The following PCDHGB1 variants were observed in gnomAD, a reference collection of about 807,000 sequenced individuals.
PCDHGB1 encodes protocadherin gamma subfamily B, 1.
Under a neutral mutation model 56.6 loss-of-function variants are expected in PCDHGB1, and 34 were observed. That is an observed-to-expected ratio of 0.60 (90% CI 0.46 to 0.80). The LOEUF is 0.80. Ranked by LOEUF, PCDHGB1 falls within the 30% of genes least tolerant of loss-of-function variation. The pLI is 0.00. For synonymous variants in PCDHGB1, 561 were observed against 505.9 expected (o/e 1.11, Z -1.46); for missense variants, 1,278 against 1,204.6 (o/e 1.06, Z -0.90).
intron 1 of PCDHGB1, chr5:141,384,203 A>T (rs568171038): frequency 6.2e-7 from 1 of 1,613,900 alleles, no homozygotes; most frequent in African/African-American, 1.3e-5. Context: ...TTGTCCAGGG[A>T]AACTCACATA....
intron 3 of PCDHGB1, 162 bp downstream of exon 3, chr5:141,505,643 T>C: frequency 1.0e-6 from 1 of 967,852 alleles, no homozygotes. Context: ...AAGCCTGGAA[T>C]TGTGGCTAAG....
intron 1 of PCDHGB1, chr5:141,398,744 GTTACCATCGT>G (rs765550213): frequency 1.3e-4 from 209 of 1,613,736 alleles, no homozygotes; most frequent in Non-Finnish European, 1.7e-4. Context: ...GAACAACAGA[GTTACCATCGT>G]TTAGTCCTGA....
At chr5:141,419,665 C>T in intron 1 of PCDHGB1, 1 of 1,612,860 alleles carries the variant, frequency 6.2e-7, no homozygotes, top group East Asian at 2.2e-5. Flanking sequence ...GGCACAATGC[C>T]TGGCTGTCCT....
At chr5:141,439,523 T>A (rs2098118339) in intron 1 of PCDHGB1, among the ~76,000 whole-genome samples, 1 of 152,202 alleles carries the variant, frequency 6.6e-6, no homozygotes, top group African/African-American at 2.4e-5. Context: ...CAACTAACTC[T>A]ACAGAACGCT....
intron 1 of PCDHGB1, chr5:141,375,845 G>C (rs1308593204): frequency 6.2e-7 from 1 of 1,614,076 alleles, no homozygotes; most frequent in East Asian, 2.2e-5. Flanking sequence ...CGGCTACCTG[G>C]TGACCAAGGT....
At chr5:141,497,464 TGGA>T (rs769464389) in intron 2 of PCDHGB1, among the ~76,000 whole-genome samples, 3 of 151,764 alleles carry the variant, frequency 2.0e-5, no homozygotes, top group Non-Finnish European at 4.4e-5. Context: ...CTTGGAGATA[TGGA>T]GGAGAAGGTG....
At chr5:141,411,578 T>C (rs892738350) in intron 1 of PCDHGB1, 10 of 152,194 alleles carry the variant, frequency 6.6e-5, no homozygotes, top group African/African-American at 2.4e-4. Flanking sequence ...AGTGCGACCC[T>C]GTCTCTAAAA....
intron 1 of PCDHGB1, chr5:141,356,959 C>T: frequency 6.2e-7 from 1 of 1,614,236 alleles, no homozygotes; most frequent in Non-Finnish European, 8.5e-7. Flanking sequence ...TTCCGGCTAC[C>T]TGGTGACCAA....
chr5:141,494,037 T>C (rs2099751443), intron 1 of PCDHGB1, among the ~76,000 whole-genome samples: 1 of 152,146 alleles, frequency 6.6e-6, no homozygotes, highest in South Asian at 2.1e-4. Context: ...GAGACTTAGT[T>C]GGCCCTGCTT....
At chr5:141,391,886 A>C (rs2092436812) in intron 1 of PCDHGB1, 1 of 152,206 alleles carries the variant, frequency 6.6e-6, no homozygotes, top group Non-Finnish European at 1.5e-5. Flanking sequence ...GGTGAAAGGG[A>C]TGGGATGGAG....
chr5:141,353,168 G>A (rs1162754774), intron 1 of PCDHGB1, among the ~76,000 whole-genome samples: 1 of 151,906 alleles, frequency 6.6e-6, no homozygotes, highest in Non-Finnish European at 1.5e-5. Context: ...TTTACTGTTG[G>A]CATTTCTGTA....
intron 1 of PCDHGB1, chr5:141,429,208 G>A (rs568951026): frequency 5.4e-4 from 77 of 142,568 alleles, no homozygotes; most frequent in African/African-American, 1.9e-3. Context: ...ACACACACGT[G>A]TGAAAAGTGG....
intron 1 of PCDHGB1, chr5:141,478,171 G>A (rs141465380): frequency 7.3e-5 from 118 of 1,613,942 alleles, no homozygotes; most frequent in African/African-American, 1.5e-4. Flanking sequence ...CCCCCCGGGA[G>A]CAGAAAAAAA....
rs184860941 is a variant in PCDHGB1, at chr5:141,386,661, G to A, written c.2409+33992G>A. On this transcript the variant is annotated intron_variant, in intron 1 of 3. Coordinates refer to ENST00000523390, the MANE Select transcript of PCDHGB1 (RefSeq NM_018922.3). ...CTGGATACATTTTACAAGTTCTGCA[G>A]TGTTCACATTTCAGATGTACAATCA... Among the ~76,000 whole-genome samples the A allele has an allele frequency of 2.0e-4, 31 of 152,110 alleles. No individual in the cohort carries two copies. In the East Asian group the frequency reaches 3.5e-3, roughly 17 times the overall value.
At chr5:141,379,171 A>G (rs1561582641) in intron 1 of PCDHGB1, 1 of 152,248 alleles carries the variant, frequency 6.6e-6, no homozygotes, top group Non-Finnish European at 1.5e-5. Flanking sequence ...GTCTTCTTAA[A>G]GATAACATTG....
chr5:141,366,351 A>T, intron 1 of PCDHGB1: 1 of 1,613,946 alleles, frequency 6.2e-7, no homozygotes, highest in Non-Finnish European at 8.5e-7. Context: ...ATCCTGGCTG[A>T]CCTAGGCAGT....
rs780310968 is a variant in PCDHGB1 at position 141,414,168 on chromosome 5, T to G, written c.2409+61499T>G. The G allele has an allele frequency of 5.6e-6, 9 of 1,605,598 alleles. No individual in the cohort carries two copies. The African/African-American group carries it at 1.2e-4, about 21-fold the overall frequency. ...TACAAGCAGAAGATGGAGGAGCATA[T>G]CTTGCAACTGCAAAAGTGTTGATTA... On this transcript the variant is annotated intron_variant, in intron 1 of 3. Coordinates refer to ENST00000523390, the MANE Select transcript of PCDHGB1 (RefSeq NM_018922.3).
chr5:141,394,961 G>A, intron 1 of PCDHGB1: 1 of 1,613,920 alleles, frequency 6.2e-7, no homozygotes, highest in Non-Finnish European at 8.5e-7. Flanking sequence ...GGCTCAGGCT[G>A]AGGCGCTGGC....
At position 141,477,146 on chromosome 5, in the gene PCDHGB1, G is replaced by A. The variant is rs1447966302; in HGVS notation, c.2410-17661G>A. The stretch of plus-strand genomic sequence containing the variant: ...TTGCAAAGTGTTGGTGGAGGTTGTG[G>A]ATGTGAATGACAACGCCCCGGAGAT... On this transcript the variant is annotated intron_variant, in intron 1 of 3. Coordinates refer to ENST00000523390, the MANE Select transcript of PCDHGB1 (RefSeq NM_018922.3). This position sits in a 1 kb window ranked among gnomAD's most constrained non-coding sequence, Gnocchi z 4.9. 1 of 1,614,182 alleles carries A rather than the reference G, an allele frequency of 6.2e-7. No homozygotes were observed. The highest frequency in any genetic ancestry group is 8.5e-7 in the Non-Finnish European group (1 of 1,180,044).
Sources: gnomAD v4.1 joint callset for allele counts (sites outside exome capture counted in the v4.1 genomes callset) on GRCh38, gnomAD v4.1.1 for gene constraint, Gnocchi (gnomAD v3.1) non-coding constraint, MANE v1.5 for transcripts, NCBI Gene and HGNC (gene_info 2026-07-23, HGNC 2026-07-21) for gene names.